Variants in GSTCD observed in about 807,000 individuals in gnomAD.
GSTCD encodes glutathione S-transferase C-terminal domain containing, also known as glutathione S-transferase C-terminal domain-containing protein.
Under a neutral mutation model 68.3 loss-of-function variants are expected in GSTCD, and 44 were observed. That is an observed-to-expected ratio of 0.64 (90% confidence interval 0.51 to 0.83). The LOEUF (loss-of-function observed/expected upper bound fraction) is 0.83, where lower values mean the gene tolerates loss of function less well. GSTCD is among the 40% of genes least tolerant of loss of function. GSTCD has a pLI of 0.00. For missense variants in GSTCD, 739 were observed against 735.9 expected, an observed-to-expected ratio of 1.00 and a Z score of -0.05; for synonymous variants, 273 against 255.2, an observed-to-expected ratio of 1.07 and a Z score of -0.67.
chr4:105,741,642 C>T (rs547449608), intron 5 of GSTCD, among the ~76,000 whole-genome samples: 3 of 152,296 alleles, frequency 2.0e-5, no homozygotes, highest in South Asian at 4.1e-4. Context: ...CAGCTACCAA[C>T]TGAAGGAGAT....
At chr4:105,760,734 G>C (rs1392865870) in intron 5 of GSTCD, among the ~76,000 whole-genome samples, 3 of 152,112 alleles carry the variant, frequency 2.0e-5, no homozygotes, top group South Asian at 4.1e-4. Flanking sequence ...AATGTGGAAA[G>C]GGAATTTCAA....
intron 5 of GSTCD, among the ~76,000 whole-genome samples, chr4:105,752,723 ATTATGAGT>A (rs1179967685): frequency 6.6e-6 from 1 of 152,110 alleles, no homozygotes; most frequent in African/African-American, 2.4e-5. Context: ...TTTTAGAAAT[ATTATGAGT>A]TTACTAGTAA....
At chr4:105,789,180 G>C (rs1735572637) in intron 5 of GSTCD, among the ~76,000 whole-genome samples, 1 of 152,128 alleles carries the variant, frequency 6.6e-6, no homozygotes, top group Non-Finnish European at 1.5e-5. Flanking sequence ...GAGTTAGAAA[G>C]GGACTCAAAA....
chr4:105,714,018 G>T (rs1428299328), intron 1 of GSTCD, among the ~76,000 whole-genome samples: 2 of 147,910 alleles, frequency 1.4e-5, no homozygotes, highest in Non-Finnish European at 3.0e-5. Flanking sequence ...TCATTAGAAT[G>T]AAAGTGAAAA....
At chr4:105,756,349 TGTCTTG>T (rs1734188759) in intron 5 of GSTCD, among the ~76,000 whole-genome samples, 1 of 152,038 alleles carries the variant, frequency 6.6e-6, no homozygotes, top group African/African-American at 2.4e-5. Context: ...ATTATAATCA[TGTCTTG>T]GTCTTTCTGG....
At chr4:105,779,565 T>G (rs1004994478) in intron 5 of GSTCD, among the ~76,000 whole-genome samples, 1 of 152,220 alleles carries the variant, frequency 6.6e-6, no homozygotes, top group African/African-American at 2.4e-5. Flanking sequence ...AGGTTCTCTG[T>G]CAAATTTTTG....
chr4:105,753,994 G>T (rs371224664), intron 5 of GSTCD, among the ~76,000 whole-genome samples: 281 of 151,906 alleles, frequency 1.8e-3, no homozygotes, highest in African/African-American at 5.3e-3. Context: ...AATGCTTATA[G>T]GAGTTGGAGG....
intron 11 of GSTCD, among the ~76,000 whole-genome samples, chr4:105,844,138 G>T (rs1159234065): frequency 6.6e-6 from 1 of 152,146 alleles, no homozygotes; most frequent in Non-Finnish European, 1.5e-5. Flanking sequence ...GGGTAGATGA[G>T]CTCAATGTAA....
rs541661875 is a variant in GSTCD, at chr4:105,785,343, C to G, written c.1241-37611C>G. 2.3e-4 allele frequency among the ~76,000 whole-genome samples: 35 copies of G among 152,006 alleles called. No homozygotes were observed. The South Asian group carries it at 7.3e-3, about 32-fold the overall frequency. On this transcript the variant is annotated intron_variant, in intron 5 of 11. Transcript: ENST00000515279. ...CAAAGTATTAGTTAACCAAATCCAG[C>G]AACAGATTAAAAAAAAAATCATACA...
chr4:105,777,490 A>G (rs1236050691), intron 5 of GSTCD, among the ~76,000 whole-genome samples: 1 of 152,210 alleles, frequency 6.6e-6, no homozygotes, highest in East Asian at 1.9e-4. Context: ...GATATTAGAT[A>G]GCAAGTCTTC....
At chr4:105,728,975 T>C (rs1044706055) in intron 4 of GSTCD, among the ~76,000 whole-genome samples, 3 of 152,154 alleles carry the variant, frequency 2.0e-5, no homozygotes, top group Non-Finnish European at 4.4e-5. Flanking sequence ...TGTGTTAAAG[T>C]GGTAGCTTTT....
intron 5 of GSTCD, among the ~76,000 whole-genome samples, chr4:105,820,817 T>C (rs2544418): frequency 0.87 from 131,934 of 151,810 alleles, 57,727 homozygotes; most frequent in East Asian, 0.96. Flanking sequence ...GCAAGAAAAA[T>C]AGATCTCTAT....
intron 5 of GSTCD, among the ~76,000 whole-genome samples, chr4:105,804,278 TTAAA>T (rs1419814883): frequency 6.6e-6 from 1 of 152,040 alleles, no homozygotes; most frequent in Non-Finnish European, 1.5e-5. Flanking sequence ...AACTTTTCTA[TTAAA>T]TAGAGTTTGG....
At chr4:105,745,639 C>G (rs1444206085) in intron 5 of GSTCD, among the ~76,000 whole-genome samples, 1 of 152,196 alleles carries the variant, frequency 6.6e-6, no homozygotes, top group African/African-American at 2.4e-5. Context: ...AGACCTAGAA[C>G]AAAGCTGGCC....
chr4:105,750,420 A>G (rs1271613890), intron 5 of GSTCD, among the ~76,000 whole-genome samples: 1 of 148,692 alleles, frequency 6.7e-6, no homozygotes, highest in African/African-American at 2.5e-5. Flanking sequence ...AGATTGCGCC[A>G]TTGCACTCCA....
intron 5 of GSTCD, among the ~76,000 whole-genome samples, chr4:105,802,872 T>A (rs1240747284): frequency 6.6e-6 from 1 of 152,120 alleles, no homozygotes; most frequent in Non-Finnish European, 1.5e-5. Flanking sequence ...AGGATGTATC[T>A]GGAATCAGGA....
chr4:105,836,354 A>G (rs1724118804), intron 9 of GSTCD, among the ~76,000 whole-genome samples: 1 of 152,256 alleles, frequency 6.6e-6, no homozygotes, highest in South Asian at 2.1e-4. Context: ...GCCTGGAAAA[A>G]GCACTCTAAG....
In GSTCD at chr4:105,726,813, A is replaced by G. The variant is rs1733053772; in HGVS notation, c.1129A>G (p.Thr377Ala). The G allele has an allele frequency of 6.2e-7, 1 of 1,608,720 alleles. No homozygotes were observed. ...TTTATTTATAGGAGGACCAAGACCA[A>G]CCATGGCCAAGTTAATGGTACTTAA... ...DPLFIGGPRP[T>A]MAKLMEKGIE... Residue 377 changes from threonine to alanine, a missense_variant, in exon 4 of 12, where the codon ACC becomes GCC. Thr to Ala is a moderately conservative substitution (Grantham distance 58). Transcript: ENST00000515279.
In GSTCD at chr4:105,717,704, A is replaced by G; in HGVS notation, c.91A>G (p.Thr31Ala). 1.9e-6 allele frequency: 3 copies of G among 1,612,910 alleles called. No individual in the cohort carries two copies. Among genetic ancestry groups the G allele is most frequent in the Non-Finnish European group, 2.5e-6 (3 of 1,179,018 alleles). The part of the protein sequence containing the change: ...QTEGCIFPLH[T>A]SVTLFLLSYC... ...AGAAGGATGCATCTTTCCTCTTCAT[A>G]CATCTGTAACTTTATTTCTGTTATC... Residue 31 changes from threonine to alanine, a missense_variant, in exon 2 of 12, where the codon ACA (threonine) becomes GCA (alanine). Coordinates refer to ENST00000515279, the MANE Select transcript of GSTCD (RefSeq NM_001370181.1).
Sources: allele counts gnomAD v4.1 joint callset (sites outside exome capture counted in the v4.1 genomes callset), GRCh38; gene constraint gnomAD v4.1.1; transcripts MANE v1.5; gene names NCBI Gene and HGNC (gene_info 2026-07-23, HGNC 2026-07-21).